PIP5K1B: variants seen among roughly 807,000 people sequenced by gnomAD.
The protein encoded by PIP5K1B is phosphatidylinositol 4-phosphate 5-kinase type-1 beta.
PIP5K1B carries 42 observed loss-of-function variants against 67.0 expected under a neutral mutation model. That is an observed-to-expected ratio of 0.63 (90% CI 0.49 to 0.81). PIP5K1B has a LOEUF of 0.81. PIP5K1B is among the 30% of genes least tolerant of loss of function. The pLI, the probability that PIP5K1B is intolerant of heterozygous loss-of-function variation, is 0.00. For missense variants in PIP5K1B, 459 were observed against 646.3 expected (o/e 0.71, Z 3.14); for synonymous variants, 214 against 231.4 (o/e 0.92, Z 0.68).
intron 2 of PIP5K1B, among the ~76,000 whole-genome samples, chr9:68,809,787 G>A (rs572909553): frequency 3.3e-5 from 5 of 152,150 alleles, no homozygotes; most frequent in Non-Finnish European, 7.3e-5. Context: ...CTTTCCATGA[G>A]CCCCACAGGC....
rs1587753379 is a variant in PIP5K1B, at chr9:68,979,786, C to T, written c.1503-11354C>T. Among the ~76,000 whole-genome samples, 4 of 152,294 alleles carry T rather than the reference C, an allele frequency of 2.6e-5. No individual in the cohort carries two copies. The South Asian group carries it at 6.2e-4, about 24-fold the overall frequency. On this transcript the variant is annotated intron_variant, in intron 14 of 15. Coordinates refer to ENST00000265382, the MANE Select transcript of PIP5K1B (RefSeq NM_003558.4). Reference sequence around the variant, plus strand: ...TGCTCACTGCGGGGAGGGGAGCCATCGGTTGATACCAGGAGAGAGCCTGCT... The same window carrying T: ...TGCTCACTGCGGGGAGGGGAGCCATTGGTTGATACCAGGAGAGAGCCTGCT...
At chr9:68,896,639 G>A (rs774944502) in intron 8 of PIP5K1B, among the ~76,000 whole-genome samples, 18 of 152,184 alleles carry the variant, frequency 1.2e-4, no homozygotes, top group Non-Finnish European at 1.5e-4. Flanking sequence ...TCTGCCTTCA[G>A]AAAGGCTTCT....
intron 2 of PIP5K1B, among the ~76,000 whole-genome samples, chr9:68,757,285 AT>A (rs1829971731): frequency 6.6e-6 from 1 of 152,176 alleles, no homozygotes; most frequent in African/African-American, 2.4e-5. Context: ...TTAATTTTCT[AT>A]TTTAAAAGAC....
At chr9:68,950,722 T>C (rs774037130) in intron 14 of PIP5K1B, among the ~76,000 whole-genome samples, 22 of 152,220 alleles carry the variant, frequency 1.4e-4, no homozygotes, top group Middle Eastern at 3.2e-3. Context: ...TTCTCTGATA[T>C]GCTTCAAACA....
intron 1 of PIP5K1B, among the ~76,000 whole-genome samples, chr9:68,709,991 T>C (rs1282527904): frequency 6.6e-6 from 1 of 152,244 alleles, no homozygotes; most frequent in Non-Finnish European, 1.5e-5. Flanking sequence ...AAGCCAAAGG[T>C]AGCCTTGTCA....
intron 1 of PIP5K1B, among the ~76,000 whole-genome samples, chr9:68,724,265 C>A (rs1350015032): frequency 1.0e-4 from 15 of 150,046 alleles, no homozygotes; most frequent in Admixed American, 1.0e-3. Flanking sequence ...TTTGTTTTAG[C>A]CAGTACCATG....
intron 15 of PIP5K1B, among the ~76,000 whole-genome samples, 179 bp from the exon 16 acceptor site, chr9:69,008,268 G>T (rs1380597062): frequency 1.3e-5 from 2 of 152,142 alleles, no homozygotes; most frequent in African/African-American, 2.4e-5. Context: ...ACAGGTTTCA[G>T]GTCCACCAAA....
At chr9:68,750,387 C>T (rs1829563917) in intron 2 of PIP5K1B, among the ~76,000 whole-genome samples, 1 of 152,232 alleles carries the variant, frequency 6.6e-6, no homozygotes, top group Admixed American at 6.5e-5. Context: ...ACAAGCAAAA[C>T]CCTTCCATCT....
Position 68,951,491 on chromosome 9 carries a change from T to C in PIP5K1B, c.1502+10701T>C, listed in dbSNP as rs138113930. 2.7e-4 allele frequency among the ~76,000 whole-genome samples: 41 copies of C among 152,320 alleles called. No homozygotes were observed. In the East Asian group the frequency reaches 7.1e-3, roughly 27 times the overall value. Reference sequence around the variant, plus strand: ...CCACCCTCACCTGCTGCTTTCTGTGTGGTCACTGAGTTGTGACAGGAGAGA... The same window carrying C: ...CCACCCTCACCTGCTGCTTTCTGTGCGGTCACTGAGTTGTGACAGGAGAGA... On this transcript the variant is annotated intron_variant, in intron 14 of 15. Coordinates refer to ENST00000265382, the MANE Select transcript of PIP5K1B (RefSeq NM_003558.4).
Position 68,889,148 on chromosome 9 carries a change from A to G in PIP5K1B, c.471+15A>G, listed in dbSNP as rs372925652. ...GCTATTACATGGTAAGGAACTGCAC[A>G]TCATTAATGCTTCTACTTGAAGTTT... On this transcript the variant is annotated intron_variant, in intron 7 of 15. Transcript: ENST00000265382. 14 of 1,586,974 alleles carry G rather than the reference A, an allele frequency of 8.8e-6. No individual in the cohort carries two copies. The African/African-American group carries it at 1.5e-4, about 17-fold the overall frequency.
rs549823614 is a variant in PIP5K1B at position 68,862,886 on chromosome 9, A to T, written c.70-951A>T. Among the ~76,000 whole-genome samples, 97 of 151,436 alleles carry T rather than the reference A, an allele frequency of 6.4e-4. 1 individual carries two copies. The highest frequency in any genetic ancestry group is 3.4e-3 in the Admixed American group (51 of 15,218). On this transcript the variant is annotated intron_variant, in intron 4 of 15. Transcript: ENST00000265382. ...TCTATCATAGAAATCAAGAGAAGACATTTTTTTCCAGAATAGACAGGTGTT... is the reference window on the plus strand; with the variant it reads ...TCTATCATAGAAATCAAGAGAAGACTTTTTTTTCCAGAATAGACAGGTGTT...
chr9:68,940,804 C>G lies in PIP5K1B; in HGVS notation c.1502+14C>G, dbSNP rs1827521988. 1.2e-6 allele frequency: 2 copies of G among 1,611,552 alleles called. No individual in the cohort carries two copies. The highest frequency in any genetic ancestry group is 2.7e-5 in the African/African-American group (2 of 74,860). Reference sequence around the variant, plus strand: ...CTATTCAAACAGGTAATACTTAGTGCAGTCAAATAACCCATCAGGCTGTTA... The same window carrying G: ...CTATTCAAACAGGTAATACTTAGTGGAGTCAAATAACCCATCAGGCTGTTA... On this transcript the variant is annotated intron_variant, in intron 14 of 15. Coordinates refer to ENST00000265382, the MANE Select transcript of PIP5K1B (RefSeq NM_003558.4).
At chr9:68,907,334 A>G (rs1054483700) in intron 8 of PIP5K1B, among the ~76,000 whole-genome samples, 1 of 152,002 alleles carries the variant, frequency 6.6e-6, no homozygotes, top group African/African-American at 2.4e-5. Context: ...CTCTGCCTTA[A>G]CTGTCACCTT....
intron 14 of PIP5K1B, among the ~76,000 whole-genome samples, chr9:68,943,949 T>G (rs1034203086): frequency 1.3e-5 from 2 of 152,248 alleles, no homozygotes; most frequent in African/African-American, 4.8e-5. Flanking sequence ...CTCTTAGAAT[T>G]ATTCCTTTTT....
intron 14 of PIP5K1B, among the ~76,000 whole-genome samples, chr9:68,973,327 T>G (rs1038169434): frequency 6.6e-6 from 1 of 152,212 alleles, no homozygotes; most frequent in Non-Finnish European, 1.5e-5. Flanking sequence ...GATACATCAA[T>G]GATAAATATT....
chr9:68,902,094 C>T (rs1054506632), intron 8 of PIP5K1B, among the ~76,000 whole-genome samples: 28 of 152,262 alleles, frequency 1.8e-4, no homozygotes, highest in African/African-American at 6.3e-4. Context: ...AACCTACTGA[C>T]GTTTTTCAGC....
intron 2 of PIP5K1B, among the ~76,000 whole-genome samples, chr9:68,808,385 A>AC (rs11441361): frequency 0.044 from 6,570 of 150,644 alleles, 206 homozygotes; most frequent in African/African-American, 0.089. Context: ...CTAACTAATT[A>AC]CTCCCCCCGA....
chr9:68,715,648 CA>C (rs771644224), intron 1 of PIP5K1B, among the ~76,000 whole-genome samples: 3 of 152,122 alleles, frequency 2.0e-5, no homozygotes, highest in Non-Finnish European at 4.4e-5. Context: ...CATCAGGGCC[CA>C]TTGCATCCCC....
chr9:69,001,083 T>A (rs115077582), intron 15 of PIP5K1B, among the ~76,000 whole-genome samples: 3,716 of 151,970 alleles, frequency 0.024, 139 homozygotes, highest in African/African-American at 0.081. Context: ...TTTTATTTTT[T>A]TTTTGTAATG....
Sources: gnomAD v4.1 joint callset for allele counts (sites outside exome capture counted in the v4.1 genomes callset) on GRCh38, gnomAD v4.1.1 for gene constraint, MANE v1.5 for transcripts, NCBI Gene and HGNC (gene_info 2026-07-23, HGNC 2026-07-21) for gene names.